Variants in BLTP3A observed in about 807,000 individuals in gnomAD.
The protein encoded by BLTP3A is ICBP90 binding protein 1.
chr6:34,823,022 G>A, the BLTP3A span, among the ~76,000 whole-genome samples: 4 of 152,196 alleles, frequency 2.6e-5, no homozygotes, highest in South Asian at 2.1e-4. Context: ...AGCCCATCCC[G>A]TGCTTGTCAT....
the BLTP3A span, among the ~76,000 whole-genome samples, chr6:34,826,087 T>C: frequency 7.0e-6 from 1 of 142,816 alleles, no homozygotes; most frequent in East Asian, 2.1e-4. Context: ...TAGAGTGCAA[T>C]GGTGCATCTC....
At chr6:34,817,851 A>AT in the BLTP3A span, among the ~76,000 whole-genome samples, 4,025 of 138,804 alleles carry the variant, frequency 0.029, 70 homozygotes, top group East Asian at 0.076. Flanking sequence ...ACGTGTAGGA[A>AT]TTTTTTTTTT....
the BLTP3A span, among the ~76,000 whole-genome samples, chr6:34,853,918 A>G: frequency 1.3e-5 from 2 of 152,186 alleles, no homozygotes; most frequent in South Asian, 2.1e-4. Context: ...AAATAATTTT[A>G]AGAAATTAAA....
At chr6:34,798,473 A>T in the BLTP3A span, among the ~76,000 whole-genome samples, 1 of 152,236 alleles carries the variant, frequency 6.6e-6, no homozygotes, top group African/African-American at 2.4e-5. Flanking sequence ...CCATTTTCCA[A>T]AGTGGCTATA....
chr6:34,835,938 G>A, the BLTP3A span, among the ~76,000 whole-genome samples: 1 of 152,196 alleles, frequency 6.6e-6, no homozygotes, highest in Non-Finnish European at 1.5e-5. Flanking sequence ...ACTATGAACT[G>A]TATTCCAGCA....
chr6:34,867,827 G>C, the BLTP3A span, among the ~76,000 whole-genome samples: 6 of 152,282 alleles, frequency 3.9e-5, no homozygotes, highest in Non-Finnish European at 8.8e-5. Flanking sequence ...CACTGTGCTA[G>C]TCTCCAACTT....
the BLTP3A span, chr6:34,855,667 A>G: frequency 6.2e-7 from 1 of 1,613,872 alleles, no homozygotes; most frequent in East Asian, 2.2e-5. Flanking sequence ...TACCTTCCGC[A>G]AGATGGCGTT....
chr6:34,816,490 G>A, the BLTP3A span, among the ~76,000 whole-genome samples: 1 of 140,138 alleles, frequency 7.1e-6, no homozygotes, highest in East Asian at 2.1e-4. Context: ...ATGCACTTGT[G>A]GTTCTAGCTA....
At chr6:34,792,217 C>T in the BLTP3A span, 1 of 1,531,220 alleles carries the variant, frequency 6.5e-7, no homozygotes, top group South Asian at 1.2e-5. Context: ...CAGCTGCCGG[C>T]CCACCCGCCT....
chr6:34,809,715 C>T, the BLTP3A span, among the ~76,000 whole-genome samples: 22,130 of 151,880 alleles, frequency 0.15, 1,957 homozygotes, highest in African/African-American at 0.25. Context: ...CCACCATGCC[C>T]GGCTAATTTT....
chr6:34,837,961 A>T, the BLTP3A span, among the ~76,000 whole-genome samples: 15 of 152,184 alleles, frequency 9.9e-5, 1 homozygote, highest in Non-Finnish European at 2.2e-4. Context: ...TCAGAGTTTC[A>T]TCCTGTCGCT....
At chr6:34,837,904 G>GATTTTGTTTTTA in the BLTP3A span, among the ~76,000 whole-genome samples, 1 of 152,134 alleles carries the variant, frequency 6.6e-6, no homozygotes, top group Admixed American at 6.6e-5. Flanking sequence ...TGTTTGTTTA[G>GATTTTGTTTTTA]ATTTTGTTTT....
the BLTP3A span, among the ~76,000 whole-genome samples, chr6:34,810,613 C>T: frequency 1.3e-5 from 2 of 152,100 alleles, no homozygotes; most frequent in Non-Finnish European, 2.9e-5. Flanking sequence ...GGACCACAGG[C>T]GTGTGCCACC....
the BLTP3A span, among the ~76,000 whole-genome samples, chr6:34,798,613 T>TTTTTTTTTA: frequency 1.4e-5 from 2 of 142,522 alleles, no homozygotes; most frequent in Non-Finnish European, 3.1e-5. Flanking sequence ...TTTTTTTTTT[T>TTTTTTTTTA]ACTTTGTCTG....
chr6:34,818,982 A>G, the BLTP3A span, among the ~76,000 whole-genome samples: 14 of 152,172 alleles, frequency 9.2e-5, no homozygotes, highest in African/African-American at 2.9e-4. Context: ...TGGTAAATAT[A>G]TAGATATGTA....
the BLTP3A span, among the ~76,000 whole-genome samples, chr6:34,814,826 T>A: frequency 6.6e-6 from 1 of 152,234 alleles, no homozygotes; most frequent in South Asian, 2.1e-4. Flanking sequence ...GTATTCCCCT[T>A]AACACAGGTT....
chr6:34,821,382 T>A, the BLTP3A span: 1 of 311,532 alleles, frequency 3.2e-6, no homozygotes, highest in Non-Finnish European at 6.0e-6. Flanking sequence ...ATAAGTAGAA[T>A]CATAGGTCTC....
chr6:34,876,548 G>A, the BLTP3A span: 1 of 152,054 alleles, frequency 6.6e-6, no homozygotes, highest in African/African-American at 2.4e-5. Flanking sequence ...ATTCTAAAAT[G>A]AGTTATAGTA....
At chr6:34,807,268 G>C in the BLTP3A span, among the ~76,000 whole-genome samples, 4 of 152,124 alleles carry the variant, frequency 2.6e-5, no homozygotes, top group Non-Finnish European at 5.9e-5. Flanking sequence ...ACTAGTGTAG[G>C]GAAAGAATTT....
Sources: gnomAD v4.1 joint callset for allele counts (sites outside exome capture counted in the v4.1 genomes callset) on GRCh38, gnomAD v4.1.1 for gene constraint, MANE v1.5 for transcripts, NCBI Gene and HGNC (gene_info 2026-07-23, HGNC 2026-07-21) for gene names.